The following MGAM2 variants were observed in gnomAD, a reference collection of about 807,000 sequenced individuals.
The protein encoded by MGAM2 is maltase-glucoamylase 2 (putative).
A neutral mutation model predicts 96.1 loss-of-function variants in MGAM2; 98 were observed. The ratio of observed to expected loss-of-function variants is 1.02; its 90% CI spans 0.87 to 1.21. The LOEUF (loss-of-function observed/expected upper bound fraction) is 1.21. Ranked by LOEUF, MGAM2 falls within the 50% of genes most tolerant of loss-of-function variation. The pLI is 0.00. For synonymous variants in MGAM2, 749 were observed against 414.8 expected (o/e 1.81, Z -9.79); for missense variants, 2,055 against 1,182.4 (o/e 1.74, Z -10.82).
intron 18 of MGAM2, 51 bp from the exon 19 acceptor site, chr7:142,158,197 T>C: frequency 1.4e-6 from 1 of 702,176 alleles, no homozygotes; most frequent in East Asian, 2.7e-5. Context: ...AATGTGCCAT[T>C]GTCCTGTATT....
At chr7:142,154,673 C>T in intron 16 of MGAM2, 56 bp from the exon 17 acceptor site, 1 of 695,584 alleles carries the variant, frequency 1.4e-6, no homozygotes, top group East Asian at 2.7e-5. Context: ...TAAATCTTCA[C>T]TACATGCTTT....
At chr7:142,136,760 CTTT>C in intron 8 of MGAM2, 120 bp downstream of exon 8, 1 of 534,824 alleles carries the variant, frequency 1.9e-6, no homozygotes, top group East Asian at 3.0e-5. Context: ...ACCTACAATA[CTTT>C]TATTGAAACT....
In MGAM2 at chr7:142,169,958, A is replaced by G. The variant is rs1796140911; in HGVS notation, c.3028-117A>G. The G allele has an allele frequency of 7.3e-6, 4 of 550,818 alleles. No individual in the cohort carries two copies. In the Admixed American group the frequency reaches 1.4e-4, roughly 19 times the overall value. 34.1% of individuals were successfully genotyped at this position (550,818 alleles called of 1,614,324 possible). A position where few individuals can be genotyped will look rare whatever the true frequency, so the allele number is the denominator to read the frequency against. On this transcript the variant is annotated intron_variant, in intron 26 of 47. Coordinates refer to ENST00000477922, the MANE Select transcript of MGAM2 (RefSeq NM_001293626.2). The stretch of plus-strand genomic sequence containing the variant: ...ACATCCATTCGCTTGGGGATGTTTG[A>G]TGCCTACTGATATGGTGCAAACTGG...
At chr7:142,175,802 A>ATCCTAC in intron 32 of MGAM2, 22 bp downstream of exon 32, 2 of 698,656 alleles carry the variant, frequency 2.9e-6, no homozygotes, top group East Asian at 5.4e-5. Flanking sequence ...GACAGATCAG[A>ATCCTAC]TCCTACTTTC....
Position 142,120,358 on chromosome 7 carries a change from ACAC to A in MGAM2, c.165_167del (p.Pro56del), listed in dbSNP as rs745939890. 8.5e-6 allele frequency: 6 copies of A among 703,066 alleles called. 1 individual carries two copies. Among genetic ancestry groups the A allele is most frequent in the Middle Eastern group, 2.3e-4 (1 of 4,396 alleles). The allele number at this position is 703,066 out of a possible 1,614,324, so 43.6% of individuals were successfully genotyped here. On this transcript the variant is annotated inframe_deletion, in exon 3 of 48. Transcript: ENST00000477922. ...TCCCCAGTCGGAAAGGATAGACTGCACACCTGACCAGGAGGTGACCGAGGTCAG... is the reference window on the plus strand; with the variant it reads ...TCCCCAGTCGGAAAGGATAGACTGCACTGACCAGGAGGTGACCGAGGTCAG...
At chr7:142,143,719 T>A in intron 12 of MGAM2, 50 bp from the exon 13 acceptor site, 1 of 493,690 alleles carries the variant, frequency 2.0e-6, no homozygotes, top group South Asian at 3.8e-5. Flanking sequence ...TCGGTCAAAA[T>A]GAAAAACCTT....
intron 23 of MGAM2, 134 bp downstream of exon 23, chr7:142,162,138 C>T: frequency 2.1e-6 from 1 of 487,008 alleles, no homozygotes; most frequent in Non-Finnish European, 3.6e-6. Context: ...AAAAAGGAAT[C>T]AAATGAACAT....
At chr7:142,123,578 A>T (rs2129074999) in intron 3 of MGAM2, among the ~76,000 whole-genome samples, 1 of 152,274 alleles carries the variant, frequency 6.6e-6, no homozygotes, top group East Asian at 1.9e-4. Context: ...CTAGTTGGTA[A>T]TCATATTTAT....
Position 142,222,241 on chromosome 7 carries a change from G to A in MGAM2, c.*182G>A. On this transcript the variant is annotated 3_prime_UTR_variant, in exon 48 of 48. Coordinates refer to ENST00000477922, the MANE Select transcript of MGAM2 (RefSeq NM_001293626.2). ...CTCTCGTCATTGCAGACATGTTTAG[G>A]AAGGTTTACAAACCTTATAGGTTTC... The A allele has an allele frequency of 2.6e-6, 1 of 390,848 alleles. No homozygotes were observed. The highest frequency in any genetic ancestry group is 4.5e-6 in the Non-Finnish European group (1 of 220,986). The allele number at this position is 390,848 out of a possible 1,614,324, so 24.2% of individuals were successfully genotyped here.
intron 47 of MGAM2, among the ~76,000 whole-genome samples, chr7:142,219,040 G>A (rs1797846511): frequency 6.6e-6 from 1 of 152,120 alleles, no homozygotes; most frequent in Non-Finnish European, 1.5e-5. Context: ...ATAAAAGGTT[G>A]ATAAAACAGG....
At chr7:142,218,258 C>G (rs1585230316) in intron 46 of MGAM2, 103 bp from the exon 47 acceptor site, 1 of 482,088 alleles carries the variant, frequency 2.1e-6, no homozygotes, top group East Asian at 3.1e-5. Context: ...AAATAGCAAA[C>G]TAATATAACA....
chr7:142,192,170 A>T (rs1428216607), intron 37 of MGAM2, among the ~76,000 whole-genome samples: 1 of 152,134 alleles, frequency 6.6e-6, no homozygotes, highest in East Asian at 1.9e-4. Context: ...GTGATGTATC[A>T]TGTTGCCCCT....
intron 1 of MGAM2, among the ~76,000 whole-genome samples, chr7:142,116,245 A>G (rs745657086): frequency 4.7e-4 from 71 of 152,158 alleles, no homozygotes; most frequent in Non-Finnish European, 8.4e-4. Flanking sequence ...AAATATTTTA[A>G]ATCTTGGGTC....
intron 45 of MGAM2, among the ~76,000 whole-genome samples, chr7:142,202,262 G>T (rs190817571): frequency 6.6e-6 from 1 of 152,300 alleles, no homozygotes; most frequent in Admixed American, 6.5e-5. Flanking sequence ...GACCCCTGCG[G>T]ATATCAAATT....
rs749407187 is a variant in MGAM2 at position 142,189,402 on chromosome 7, AC to A, written c.4244del (p.Thr1415IlefsTer40). 92 of 720,274 alleles carry A rather than the reference AC, an allele frequency of 1.3e-4. No individual in the cohort carries two copies. The African/African-American group carries it at 1.5e-3, about 11-fold the overall frequency. The allele number at this position is 720,274 out of a possible 1,614,324, so 44.6% of individuals were successfully genotyped here. A position where few individuals can be genotyped will look rare whatever the true frequency, so the allele number is the denominator to read the frequency against. On this transcript the variant is annotated frameshift_variant, in exon 37 of 48. Transcript: ENST00000477922. LOFTEE classifies it high-confidence loss of function. ...ESRDKGLSSK[T>X]LCMESQQILP... ...TAGGGACAAGGGCCTGAGCAGCAAG[AC>A]TCTGTGCATGGAGAGTCAGCAGATC...
chr7:142,123,112 G>T (rs1316461404), intron 3 of MGAM2, among the ~76,000 whole-genome samples: 1 of 151,840 alleles, frequency 6.6e-6, no homozygotes, highest in East Asian at 1.9e-4. Flanking sequence ...GTGAGCCACC[G>T]CGCCCGACCT....
chr7:142,214,057 C>T (rs1797673273), intron 46 of MGAM2, among the ~76,000 whole-genome samples: 1 of 152,106 alleles, frequency 6.6e-6, no homozygotes, highest in South Asian at 2.1e-4. Context: ...TGACAAAAAC[C>T]ACATGATTAT....
chr7:142,205,078 A>G (rs1214190881), intron 45 of MGAM2, among the ~76,000 whole-genome samples: 1 of 152,156 alleles, frequency 6.6e-6, no homozygotes, highest in Non-Finnish European at 1.5e-5. Context: ...AGGAATGATA[A>G]TAAAAGGAGT....
intron 32 of MGAM2, among the ~76,000 whole-genome samples, chr7:142,180,754 T>A (rs56274643): frequency 0.19 from 29,653 of 152,092 alleles, 3,120 homozygotes; most frequent in East Asian, 0.34. Flanking sequence ...TTTTAAAAAA[T>A]TTTTTTCTGA....
Sources: allele counts gnomAD v4.1 joint callset (sites outside exome capture counted in the v4.1 genomes callset), GRCh38; gene constraint gnomAD v4.1.1; transcripts MANE v1.5; gene names NCBI Gene and HGNC (gene_info 2026-07-23, HGNC 2026-07-21).